SLC35F3: variants seen among roughly 807,000 people sequenced by gnomAD.
SLC35F3 encodes putative thiamine transporter SLC35F3.
In SLC35F3, 25 loss-of-function variants were observed where a neutral mutation model predicts 49.9. The observed-to-expected ratio is 0.50, with a 90% CI of 0.37 to 0.70. The LOEUF (loss-of-function observed/expected upper bound fraction) is 0.70, where lower values mean the gene tolerates loss of function less well. SLC35F3 is among the 30% of genes least tolerant of loss of function. SLC35F3 has a pLI of 0.00. For synonymous variants in SLC35F3, 275 were observed against 265.4 expected, an observed-to-expected ratio of 1.04 and a Z score of -0.35; for missense variants, 525 against 639.8, an observed-to-expected ratio of 0.82 and a Z score of 1.94.
intron 2 of SLC35F3, among the ~76,000 whole-genome samples, chr1:233,970,788 A>G (rs1662979080): frequency 6.6e-6 from 1 of 152,214 alleles, no homozygotes; most frequent in Non-Finnish European, 1.5e-5. Flanking sequence ...GAAGAGACCA[A>G]TGCTGCAGAC....
intron 2 of SLC35F3, among the ~76,000 whole-genome samples, chr1:234,059,617 TAG>T (rs1201226030): frequency 0.17 from 1,218 of 7,364 alleles, 14 homozygotes; most frequent in African/African-American, 0.31. Flanking sequence ...AGACATAGAC[TAG>T]ACATAGACAT....
At chr1:234,029,534 T>C (rs932234248) in intron 2 of SLC35F3, among the ~76,000 whole-genome samples, 2 of 152,156 alleles carry the variant, frequency 1.3e-5, no homozygotes, top group African/African-American at 4.8e-5. Context: ...TCCAGAAAGC[T>C]AGATGTGGTT....
Position 234,318,768 on chromosome 1 carries a change from C to T in SLC35F3, c.972C>T (p.Leu324=), listed in dbSNP as rs1657550121. ...SALYKVLFKL[L]LGSAKFGEAA... ...TCCTACAGGTTTTGTTCAAGCTCCT[C>T]CTGGGCAGTGCTAAGTTTGGAGAAG... The change falls in exon 6 of 8, where the codon CTC becomes CTT. Residue 324 remains leucine, a synonymous_variant. Coordinates refer to ENST00000366618, the MANE Select transcript of SLC35F3 (RefSeq NM_173508.4). 3 of 1,613,968 alleles carry T rather than the reference C, an allele frequency of 1.9e-6. No individual in the cohort carries two copies. The highest frequency in any genetic ancestry group is 2.5e-6 in the Non-Finnish European group (3 of 1,179,972).
At chr1:234,260,070 A>T (rs1231804321) in intron 3 of SLC35F3, among the ~76,000 whole-genome samples, 2 of 152,206 alleles carry the variant, frequency 1.3e-5, no homozygotes, top group Non-Finnish European at 2.9e-5. Context: ...ACGGCAAAAA[A>T]AATGAATAGG....
chr1:234,149,953 G>A (rs1572070608), intron 2 of SLC35F3, among the ~76,000 whole-genome samples: 1 of 152,150 alleles, frequency 6.6e-6, no homozygotes, highest in African/African-American at 2.4e-5. Flanking sequence ...ATGTGCTACA[G>A]GATGCATTTT....
At chr1:234,022,838 A>T (rs1354685051) in intron 2 of SLC35F3, among the ~76,000 whole-genome samples, 3 of 152,142 alleles carry the variant, frequency 2.0e-5, no homozygotes, top group African/African-American at 7.2e-5. Context: ...TACTAATAAG[A>T]TATATTTAGT....
At chr1:233,912,351 A>C (rs781224209) in intron 2 of SLC35F3, among the ~76,000 whole-genome samples, 2 of 151,980 alleles carry the variant, frequency 1.3e-5, no homozygotes, top group African/African-American at 4.8e-5. Flanking sequence ...GGTGGTGGGC[A>C]CCTGTAATCC....
chr1:234,050,685 T>C (rs1374629568), intron 2 of SLC35F3, among the ~76,000 whole-genome samples: 2 of 152,252 alleles, frequency 1.3e-5, no homozygotes, highest in African/African-American at 4.8e-5. Flanking sequence ...CCATTGCTTT[T>C]GGTGTTTTAG....
At chr1:234,234,969 TTGTTCGTGAGCTGCCTTGTGGTGGCCAA>T (rs1319705374) in intron 3 of SLC35F3, among the ~76,000 whole-genome samples, 20 of 152,210 alleles carry the variant, frequency 1.3e-4, no homozygotes, top group Non-Finnish European at 1.5e-5. Flanking sequence ...TGCCCATGCT[TTGTTCGTGAGCTGCCTTGTGGTGGCCAA>T]TTTAAACTAC....
chr1:234,060,564 A>T (rs1287207252), intron 2 of SLC35F3, among the ~76,000 whole-genome samples: 1 of 152,122 alleles, frequency 6.6e-6, no homozygotes, highest in Non-Finnish European at 1.5e-5. Context: ...TTCCCATCTC[A>T]GCCTCCCGAA....
At chr1:234,102,771 G>T (rs1665232138) in intron 2 of SLC35F3, among the ~76,000 whole-genome samples, 1 of 152,184 alleles carries the variant, frequency 6.6e-6, no homozygotes, top group Non-Finnish European at 1.5e-5. Context: ...CCAAGCAGCT[G>T]CCGGCTTTCC....
intron 4 of SLC35F3, among the ~76,000 whole-genome samples, chr1:234,316,008 G>C (rs1188322164): frequency 6.6e-6 from 1 of 152,222 alleles, no homozygotes; most frequent in African/African-American, 2.4e-5. Flanking sequence ...GTAGGGTGGA[G>C]GGGCCTGTGG....
chr1:234,175,954 CCTTT>C (rs372959395), intron 2 of SLC35F3, among the ~76,000 whole-genome samples: 97 of 152,226 alleles, frequency 6.4e-4, no homozygotes, highest in African/African-American at 2.2e-3. Context: ...CCAGCCAAAT[CCTTT>C]CTTTCTCAAG....
At chr1:233,983,984 G>A (rs1285721618) in intron 2 of SLC35F3, among the ~76,000 whole-genome samples, 2 of 152,124 alleles carry the variant, frequency 1.3e-5, no homozygotes, top group African/African-American at 4.8e-5. Context: ...CATACCCAAC[G>A]CATTTGATTT....
intron 2 of SLC35F3, among the ~76,000 whole-genome samples, chr1:233,971,717 CA>C (rs59905472): frequency 1.2e-3 from 137 of 117,318 alleles, no homozygotes; most frequent in Non-Finnish European, 1.2e-3. Context: ...GACTCCGACT[CA>C]AAAAAAAAAA....
intron 2 of SLC35F3, among the ~76,000 whole-genome samples, chr1:234,074,987 T>C (rs1664772846): frequency 6.6e-6 from 1 of 152,142 alleles, no homozygotes; most frequent in South Asian, 2.1e-4. Context: ...TTTTTTGATG[T>C]TGGGACCAAA....
At chr1:234,277,760 T>G (rs1668235141) in intron 3 of SLC35F3, among the ~76,000 whole-genome samples, 1 of 152,224 alleles carries the variant, frequency 6.6e-6, no homozygotes, top group South Asian at 2.1e-4. Flanking sequence ...ACACTGTGGA[T>G]AGAAATTAGG....
At chr1:233,932,209 T>A (rs2102794141) in intron 2 of SLC35F3, among the ~76,000 whole-genome samples, 1 of 152,240 alleles carries the variant, frequency 6.6e-6, no homozygotes, top group East Asian at 1.9e-4. Flanking sequence ...GACAGGTTGA[T>A]GAGTGCAGCA....
At chr1:234,016,499 G>C (rs1663804683) in intron 2 of SLC35F3, among the ~76,000 whole-genome samples, 1 of 152,182 alleles carries the variant, frequency 6.6e-6, no homozygotes, top group Admixed American at 6.5e-5. Context: ...TTGTGACAAT[G>C]TAGATGAACG....
Sources: allele counts gnomAD v4.1 joint callset (sites outside exome capture counted in the v4.1 genomes callset), GRCh38; gene constraint gnomAD v4.1.1; transcripts MANE v1.5; gene names NCBI Gene and HGNC (gene_info 2026-07-23, HGNC 2026-07-21).